Variants in RIT2 observed in about 807,000 individuals in gnomAD.
RIT2 encodes the protein GTP-binding protein Rit2.
Under a neutral mutation model 23.7 loss-of-function variants are expected in RIT2, and 24 were observed. The ratio of observed to expected loss-of-function variants is 1.01; its 90% CI spans 0.73 to 1.43. The LOEUF is 1.43. RIT2 is among the 40% of genes most tolerant of loss of function. The probability of loss-of-function intolerance (pLI) is 0.00; values close to 1 mark genes in which losing one functional copy is unlikely to be tolerated. For synonymous variants in RIT2, 107 were observed against 91.1 expected, an observed-to-expected ratio of 1.17 and a Z score of -0.99; for missense variants, 236 against 266.9, an observed-to-expected ratio of 0.88 and a Z score of 0.81.
chr18:42,817,244 T>C (rs1206758671), intron 4 of RIT2, among the ~76,000 whole-genome samples: 2 of 152,174 alleles, frequency 1.3e-5, no homozygotes, highest in Non-Finnish European at 2.9e-5. Context: ...CACTGTGTTC[T>C]CAAAGTTGAT....
At chr18:42,919,500 G>A (rs1431648416) in intron 4 of RIT2, among the ~76,000 whole-genome samples, 3 of 152,088 alleles carry the variant, frequency 2.0e-5, no homozygotes, top group Non-Finnish European at 4.4e-5. Context: ...GATCACCTGA[G>A]GTCAGGAGAT....
intron 2 of RIT2, among the ~76,000 whole-genome samples, chr18:42,984,815 C>A (rs1195103783): frequency 1.3e-5 from 2 of 151,984 alleles, no homozygotes; most frequent in Admixed American, 1.3e-4. Flanking sequence ...AAACCGAAAG[C>A]TAACATCATG....
chr18:43,023,054 G>C (rs1039667229), intron 2 of RIT2, among the ~76,000 whole-genome samples: 1 of 152,026 alleles, frequency 6.6e-6, no homozygotes, highest in African/African-American at 2.4e-5. Flanking sequence ...TGCATTCTTA[G>C]TATGACGTCA....
At chr18:42,847,140 G>A (rs1327259148) in intron 4 of RIT2, among the ~76,000 whole-genome samples, 3 of 152,126 alleles carry the variant, frequency 2.0e-5, no homozygotes, top group African/African-American at 7.2e-5. Flanking sequence ...AAAATGGTCA[G>A]TACTTGTTAA....
intron 4 of RIT2, among the ~76,000 whole-genome samples, chr18:42,917,361 G>C (rs1019053504): frequency 2.0e-5 from 3 of 152,154 alleles, no homozygotes; most frequent in African/African-American, 7.2e-5. Context: ...TGATAATGCA[G>C]TAATGACCTC....
chr18:42,998,497 G>A (rs2144238391), intron 2 of RIT2, among the ~76,000 whole-genome samples: 1 of 152,146 alleles, frequency 6.6e-6, no homozygotes, highest in Admixed American at 6.5e-5. Flanking sequence ...CCAAGACTAA[G>A]CATTTGGTCT....
intron 1 of RIT2, among the ~76,000 whole-genome samples, chr18:43,094,892 AT>A (rs5824468): frequency 0.23 from 34,772 of 149,262 alleles, 4,196 homozygotes; most frequent in African/African-American, 0.27. Context: ...ACACGAACTC[AT>A]TTTTTTTTTA....
At chr18:42,991,797 C>G (rs1910856233) in intron 2 of RIT2, among the ~76,000 whole-genome samples, 1 of 152,022 alleles carries the variant, frequency 6.6e-6, no homozygotes, top group African/African-American at 2.4e-5. Flanking sequence ...CCCCCTTTGA[C>G]TGTAATTTTC....
rs1002010488 is a variant in RIT2, at chr18:42,809,702, T to C, written c.427-65982A>G. 2.0e-5 allele frequency among the ~76,000 whole-genome samples: 3 copies of C among 151,060 alleles called. No homozygotes were observed. In the Admixed American group the frequency reaches 2.0e-4, roughly 10 times the overall value. On this transcript the variant is annotated intron_variant, in intron 4 of 4. Transcript: ENST00000326695. ...AGAATGACTAGTTTACAGTAATCTATTACATATTTCAAGATAGCTAGAAGA... is the reference window on the plus strand; with the variant it reads ...AGAATGACTAGTTTACAGTAATCTACTACATATTTCAAGATAGCTAGAAGA...
At chr18:43,070,975 A>C (rs1233680818) in intron 1 of RIT2, among the ~76,000 whole-genome samples, 1 of 152,190 alleles carries the variant, frequency 6.6e-6, no homozygotes, top group Non-Finnish European at 1.5e-5. Flanking sequence ...GCACTTGTAT[A>C]AAATGTGACT....
chr18:42,964,149 C>T (rs771922467), intron 3 of RIT2, among the ~76,000 whole-genome samples: 7 of 151,938 alleles, frequency 4.6e-5, no homozygotes, highest in Admixed American at 6.6e-5. Flanking sequence ...CGAGATTGTG[C>T]CATTGCACTC....
intron 3 of RIT2, among the ~76,000 whole-genome samples, chr18:42,926,915 G>A (rs997182169): frequency 1.3e-5 from 2 of 151,840 alleles, no homozygotes; most frequent in African/African-American, 4.8e-5. Context: ...TACTTACTTA[G>A]AGCATGTTTT....
chr18:42,760,733 T>C (rs767254477), intron 4 of RIT2, among the ~76,000 whole-genome samples: 6 of 152,240 alleles, frequency 3.9e-5, no homozygotes, highest in Non-Finnish European at 8.8e-5. Context: ...ACATGATTGA[T>C]ATAATAAACA....
intron 4 of RIT2, among the ~76,000 whole-genome samples, chr18:42,819,621 T>C (rs1283411658): frequency 1.3e-5 from 2 of 152,106 alleles, no homozygotes; most frequent in African/African-American, 4.8e-5. Flanking sequence ...GCTTATGTTA[T>C]CCCCAGTTCT....
intron 1 of RIT2, among the ~76,000 whole-genome samples, chr18:43,110,527 G>T (rs1913929269): frequency 6.6e-6 from 1 of 152,026 alleles, no homozygotes; most frequent in Non-Finnish European, 1.5e-5. Flanking sequence ...TATAAGGATT[G>T]TTTAGGCTCC....
intron 4 of RIT2, among the ~76,000 whole-genome samples, chr18:42,867,613 C>T (rs999200593): frequency 1.4e-5 from 2 of 144,800 alleles, no homozygotes; most frequent in African/African-American, 2.6e-5. Flanking sequence ...TAACGAGGCC[C>T]TATTTCTGCC....
intron 1 of RIT2, among the ~76,000 whole-genome samples, chr18:43,089,898 A>G (rs1030058507): frequency 2.6e-5 from 4 of 152,152 alleles, no homozygotes; most frequent in African/African-American, 9.7e-5. Context: ...ATCAAGATGG[A>G]ATAAAGATTT....
intron 3 of RIT2, chr18:42,949,052 G>C (rs1268408858): frequency 2.5e-6 from 1 of 397,476 alleles, no homozygotes; most frequent in African/African-American, 2.1e-5. Context: ...CACACAGCTG[G>C]GGAGAAATTA....
chr18:42,884,858 T>A (rs1040698967), intron 4 of RIT2, among the ~76,000 whole-genome samples: 1 of 152,214 alleles, frequency 6.6e-6, no homozygotes, highest in Non-Finnish European at 1.5e-5. Context: ...CTACATCAAC[T>A]ATTTTCCTTC....
Sources: gnomAD v4.1 joint callset for allele counts (sites outside exome capture counted in the v4.1 genomes callset) on GRCh38, gnomAD v4.1.1 for gene constraint, MANE v1.5 for transcripts, NCBI Gene and HGNC (gene_info 2026-07-23, HGNC 2026-07-21) for gene names.